Variants in SLC25A48 observed in about 807,000 individuals in gnomAD.
SLC25A48 encodes solute carrier family 25 member 48.
Under a neutral mutation model 32.2 loss-of-function variants are expected in SLC25A48, and 29 were observed. The ratio of observed to expected loss-of-function variants is 0.90; its 90% CI spans 0.67 to 1.23. The LOEUF (loss-of-function observed/expected upper bound fraction) is 1.23. Among genes scored for constraint, SLC25A48 ranks in the 50% most tolerant of loss-of-function variants. SLC25A48 has a pLI of 0.00. For missense variants in SLC25A48, 399 were observed against 422.7 expected (o/e 0.94, Z 0.49); for synonymous variants, 164 against 172.3 (o/e 0.95, Z 0.38).
chr5:135,754,694 T>A (rs1192815251), intron 3 of SLC25A48, among the ~76,000 whole-genome samples: 1 of 152,074 alleles, frequency 6.6e-6, no homozygotes, highest in Admixed American at 6.6e-5. Context: ...ATTGCTCTGA[T>A]ATTTATAATA....
chr5:135,813,115 C>T (rs1459036981), intron 4 of SLC25A48: 1 of 152,388 alleles, frequency 6.6e-6, no homozygotes, highest in Non-Finnish European at 1.5e-5. Context: ...TTGAAGACTC[C>T]TGGCTCAATG....
chr5:135,798,853 C>T (rs1369542796), intron 3 of SLC25A48, among the ~76,000 whole-genome samples: 1 of 151,594 alleles, frequency 6.6e-6, no homozygotes. Context: ...AGAAGTTGTA[C>T]ACTTTGCTTG....
At chr5:135,750,797 G>T (rs891857434) in intron 3 of SLC25A48, among the ~76,000 whole-genome samples, 6 of 152,140 alleles carry the variant, frequency 3.9e-5, no homozygotes, top group African/African-American at 1.4e-4. Flanking sequence ...TGGGGAGGGG[G>T]TTCTATTCTA....
At chr5:135,863,036 G>C (rs1447053472) in intron 4 of SLC25A48, among the ~76,000 whole-genome samples, 5 of 152,122 alleles carry the variant, frequency 3.3e-5, no homozygotes, top group Non-Finnish European at 7.4e-5. Context: ...TGATTTGAAG[G>C]CTATAGCCAC....
intron 6 of SLC25A48, among the ~76,000 whole-genome samples, chr5:135,879,146 G>T (rs1478668353): frequency 2.0e-5 from 3 of 152,154 alleles, no homozygotes; most frequent in Non-Finnish European, 4.4e-5. Context: ...GAGTTCATCA[G>T]CTCATCAGCA....
At chr5:135,844,557 T>C (rs185916861) in intron 2 of SLC25A48, among the ~76,000 whole-genome samples, 3 of 152,318 alleles carry the variant, frequency 2.0e-5, no homozygotes, top group South Asian at 4.1e-4. Flanking sequence ...CCTGATTGCA[T>C]AGCCTTCTGT....
At chr5:135,748,586 C>T (rs888679326) in intron 3 of SLC25A48, among the ~76,000 whole-genome samples, 2 of 152,022 alleles carry the variant, frequency 1.3e-5, no homozygotes, top group African/African-American at 4.8e-5. Flanking sequence ...AAGTTATTCT[C>T]CTTTCGCTGA....
intron 3 of SLC25A48, among the ~76,000 whole-genome samples, chr5:135,653,205 A>G (rs937842595): frequency 1.3e-5 from 2 of 152,216 alleles, no homozygotes; most frequent in Non-Finnish European, 1.5e-5. Context: ...GTATCTTGTT[A>G]TAACTGCATA....
At chr5:135,887,602 G>C (rs991972545) in intron 7 of SLC25A48, among the ~76,000 whole-genome samples, 2 of 152,200 alleles carry the variant, frequency 1.3e-5, no homozygotes, top group Non-Finnish European at 2.9e-5. Flanking sequence ...GCGTCTGGGA[G>C]TGCACGATCT....
chr5:135,886,609 AT>A (rs869066014), intron 7 of SLC25A48, among the ~76,000 whole-genome samples: 10,832 of 70,012 alleles, frequency 0.15, 1,759 homozygotes, highest in African/African-American at 0.36. Flanking sequence ...ATATATATAT[AT>A]ATATATATAT....
chr5:135,787,235 C>T (rs7712995), intron 3 of SLC25A48, among the ~76,000 whole-genome samples: 37,505 of 151,894 alleles, frequency 0.25, 5,028 homozygotes, highest in East Asian at 0.44. Context: ...TGATACTATT[C>T]GTAATATTTT....
At chr5:135,692,005 A>G (rs369390101) in intron 3 of SLC25A48, among the ~76,000 whole-genome samples, 8 of 152,256 alleles carry the variant, frequency 5.3e-5, no homozygotes, top group African/African-American at 1.9e-4. Context: ...GTGTTCTTCA[A>G]GCTAACAAAT....
intron 3 of SLC25A48, among the ~76,000 whole-genome samples, chr5:135,708,860 T>C (rs1266100494): frequency 6.6e-6 from 1 of 152,228 alleles, no homozygotes; most frequent in African/African-American, 2.4e-5. Context: ...GAGCAGGCAC[T>C]GCTTTTGAGA....
intron 3 of SLC25A48, among the ~76,000 whole-genome samples, chr5:135,809,179 G>A (rs1757538967): frequency 6.6e-6 from 1 of 151,918 alleles, no homozygotes; most frequent in Non-Finnish European, 1.5e-5. Flanking sequence ...TCCATCTGTA[G>A]TCCCAGCTAC....
chr5:135,770,498 A>G (rs1360999757), intron 3 of SLC25A48, among the ~76,000 whole-genome samples: 1 of 151,632 alleles, frequency 6.6e-6, no homozygotes, highest in East Asian at 1.9e-4. Flanking sequence ...AATGTCGCCG[A>G]GGTTGCACAA....
intron 2 of SLC25A48, among the ~76,000 whole-genome samples, chr5:135,849,256 C>G (rs1359106209): frequency 2.6e-5 from 4 of 152,190 alleles, no homozygotes; most frequent in African/African-American, 4.8e-5. Flanking sequence ...TTTTCTGGGT[C>G]TCAGCCCCTC....
At chr5:135,714,007 C>T (rs183530772) in intron 3 of SLC25A48, among the ~76,000 whole-genome samples, 39 of 152,264 alleles carry the variant, frequency 2.6e-4, no homozygotes, top group African/African-American at 8.2e-4. Context: ...GGAGTGCGGG[C>T]GAGATGCAAG....
intron 4 of SLC25A48, among the ~76,000 whole-genome samples, chr5:135,860,354 G>T (rs1760680212): frequency 6.6e-6 from 1 of 151,982 alleles, no homozygotes; most frequent in African/African-American, 2.4e-5. Flanking sequence ...TTTATCTTCT[G>T]CCTCATTCTG....
chr5:135,678,681 G>A (rs1753824547), intron 3 of SLC25A48, among the ~76,000 whole-genome samples: 1 of 152,162 alleles, frequency 6.6e-6, no homozygotes, highest in South Asian at 2.1e-4. Flanking sequence ...GCTTTTGAGG[G>A]ACGGGGGTAA....
Sources: gnomAD v4.1 joint callset for allele counts (sites outside exome capture counted in the v4.1 genomes callset) on GRCh38, gnomAD v4.1.1 for gene constraint, MANE v1.5 for transcripts, NCBI Gene and HGNC (gene_info 2026-07-23, HGNC 2026-07-21) for gene names.